CYTH3: variants seen among roughly 807,000 people sequenced by gnomAD.
CYTH3 encodes cytohesin-3.
In CYTH3, 23 loss-of-function variants were observed where a neutral mutation model predicts 55.1. That is an observed-to-expected ratio of 0.42 (90% CI 0.30 to 0.59). The LOEUF is 0.59. Among genes scored for constraint, CYTH3 ranks in the 20% least tolerant of loss-of-function variants. The pLI is 0.20. For synonymous variants in CYTH3, 249 were observed against 194.9 expected (o/e 1.28, Z -2.31); for missense variants, 413 against 524.8 (o/e 0.79, Z 2.08).
rs1402596363 is a variant in CYTH3 at position 6,169,140 on chromosome 7, T to C, written c.823+1395A>G. On this transcript the variant is annotated intron_variant, in intron 9 of 12. Transcript: ENST00000350796. The surrounding 1 kb of genome is among the most constrained non-coding windows in gnomAD (Gnocchi z 4.1). The stretch of plus-strand genomic sequence containing the variant: ...CAATGGCCAAGGTCAAAGACCCTAA[T>C]GGGAATGGCAGACCTGTGGGACTCA... Among the ~76,000 whole-genome samples the C allele has an allele frequency of 6.6e-6, 1 of 152,204 alleles. No homozygotes were observed. The highest frequency in any genetic ancestry group is 2.4e-5 in the African/African-American group (1 of 41,458).
rs1782934480 is a variant in CYTH3, at chr7:6,164,685, G to GC, written c.*258dup. The GC allele has an allele frequency of 1.9e-6, 1 of 538,988 alleles. No individual in the cohort carries two copies. Among genetic ancestry groups the GC allele is most frequent in the South Asian group, 2.3e-5 (1 of 43,694 alleles). 33.4% of individuals were successfully genotyped at this position (538,988 alleles called of 1,614,324 possible). A position where few individuals can be genotyped will look rare whatever the true frequency, so the allele number is the denominator to read the frequency against. Reference sequence around the variant, plus strand: ...ACATGCGCAGCCGACCATGACCCCAGCCACGGCAGGAGGCCTCGAGGATCA... The same window carrying GC: ...ACATGCGCAGCCGACCATGACCCCAGCCCACGGCAGGAGGCCTCGAGGATCA... On this transcript the variant is annotated 3_prime_UTR_variant, in exon 13 of 13. Transcript: ENST00000350796.
Position 6,165,244 on chromosome 7 carries a change from C to G in CYTH3, c.1127+29G>C, listed in dbSNP as rs73675861. Reference sequence around the variant, plus strand: ...CCTCCAACCGGCACGAGAAGACGGGCCTGGCCCCGCCCCCGAGGCCCCACT... The same window carrying G: ...CCTCCAACCGGCACGAGAAGACGGGGCTGGCCCCGCCCCCGAGGCCCCACT... On this transcript the variant is annotated intron_variant, in intron 12 of 12. Coordinates refer to ENST00000350796, the MANE Select transcript of CYTH3 (RefSeq NM_004227.4). 2.2e-3 allele frequency: 3,490 copies of G among 1,596,072 alleles called. 62 individuals carry two copies. In the African/African-American group the frequency reaches 0.038, roughly 17 times the overall value.
At position 6,170,813 on chromosome 7, in the gene CYTH3, C is replaced by G. The variant is rs568763724; in HGVS notation, c.711+17G>C. The G allele has an allele frequency of 5.6e-6, 9 of 1,602,666 alleles. No individual in the cohort carries two copies. Among genetic ancestry groups the G allele is most frequent in the Non-Finnish European group, 7.7e-6 (9 of 1,174,586 alleles). On this transcript the variant is annotated intron_variant, in intron 8 of 12. Coordinates refer to ENST00000350796, the MANE Select transcript of CYTH3 (RefSeq NM_004227.4). This position sits in a 1 kb window ranked among gnomAD's most constrained non-coding sequence, Gnocchi z 7.8. ...GAGATCCTGCAGACGGCAGCGGCCG[C>G]GGGCCGGGGAGCTCACCCTCAGCAG...
chr7:6,174,122 T>C (rs79607070), intron 5 of CYTH3, among the ~76,000 whole-genome samples: 4 of 147,064 alleles, frequency 2.7e-5, no homozygotes, highest in African/African-American at 1.0e-4. Flanking sequence ...TTATATCCTT[T>C]TTTTTTTTGA....
At chr7:6,259,783 T>A (rs9691821) in intron 1 of CYTH3, among the ~76,000 whole-genome samples, 16 of 18,858 alleles carry the variant, frequency 8.5e-4, no homozygotes, top group Admixed American at 5.2e-3. Flanking sequence ...TATATATATA[T>A]AATATATATA....
intron 1 of CYTH3, among the ~76,000 whole-genome samples, chr7:6,235,218 G>A (rs1429199052): frequency 6.6e-6 from 1 of 152,218 alleles, no homozygotes; most frequent in East Asian, 1.9e-4. Context: ...GCTCACGCCT[G>A]TAATCTCAGC....
intron 9 of CYTH3, among the ~76,000 whole-genome samples, chr7:6,168,778 T>TA (rs1227923021): frequency 3.3e-5 from 5 of 152,240 alleles, no homozygotes; most frequent in Non-Finnish European, 7.3e-5. Flanking sequence ...TTCACACACT[T>TA]ACGTCTCTAG....
rs181518095 is a variant in CYTH3 at position 6,183,170 on chromosome 7, G to A, written c.249+3880C>T. Among the ~76,000 whole-genome samples, 191 of 152,324 alleles carry A rather than the reference G, an allele frequency of 1.3e-3. 1 individual carries two copies. Among genetic ancestry groups the A allele is most frequent in the Non-Finnish European group, 2.1e-3 (143 of 68,016 alleles). On this transcript the variant is annotated intron_variant, in intron 4 of 12. Transcript: ENST00000350796. ...ATCACTGCTAGACACAAGGTCAGGA[G>A]AGCGTGACCAGTCTCGACGTCCCTC...
At chr7:6,264,215 C>A (rs1329357734) in intron 1 of CYTH3, among the ~76,000 whole-genome samples, 1 of 151,802 alleles carries the variant, frequency 6.6e-6, no homozygotes, top group Non-Finnish European at 1.5e-5. Flanking sequence ...CCATTGCACT[C>A]CAGCCTGGGC....
chr7:6,261,536 G>A (rs1279998117), intron 1 of CYTH3, among the ~76,000 whole-genome samples: 1 of 151,834 alleles, frequency 6.6e-6, no homozygotes, highest in Non-Finnish European at 1.5e-5. Context: ...GAAACATAGT[G>A]GGACCCTGGC....
Position 6,191,624 on chromosome 7 carries a change from C to T in CYTH3, c.35-1093G>A, listed in dbSNP as rs970351811. ...TTTTTTTTTTTTTTTGAGACAGAAT[C>T]TGACTCTGTCACCCTGGCTGGAGTG... is the stretch of plus-strand genomic sequence containing the variant. On this transcript the variant is annotated intron_variant, in intron 1 of 12. Coordinates refer to ENST00000350796, the MANE Select transcript of CYTH3 (RefSeq NM_004227.4). 4.2e-5 allele frequency among the ~76,000 whole-genome samples: 5 copies of T among 119,926 alleles called. No individual in the cohort carries two copies. In the East Asian group the frequency reaches 1.3e-3, roughly 31 times the overall value. 78.7% of individuals were successfully genotyped at this position (119,926 alleles called of 152,430 possible).
At chr7:6,172,409 C>G (rs1249024939) in intron 6 of CYTH3, among the ~76,000 whole-genome samples, 1 of 152,058 alleles carries the variant, frequency 6.6e-6, no homozygotes, top group East Asian at 1.9e-4. Flanking sequence ...CCTCTCTGCC[C>G]CACATTCACC....
chr7:6,268,741 TA>T (rs2115071691), intron 1 of CYTH3, among the ~76,000 whole-genome samples: 1 of 152,320 alleles, frequency 6.6e-6, no homozygotes, highest in South Asian at 2.1e-4. Context: ...AGCTACTGCC[TA>T]AAGCACCTGT....
At position 6,162,734 on chromosome 7, in the gene CYTH3, T is replaced by G. The variant is rs747396853; in HGVS notation, c.*2210A>C. ...CCACCTGGCGAAGCTCATTCACAGA[T>G]GACAGCAAAGGGGGAGCTTGATCAT... On this transcript the variant is annotated 3_prime_UTR_variant, in exon 13 of 13. Coordinates refer to ENST00000350796, the MANE Select transcript of CYTH3 (RefSeq NM_004227.4). 1 of 152,328 alleles carries G rather than the reference T, an allele frequency of 6.6e-6. No individual in the cohort carries two copies. Among genetic ancestry groups the G allele is most frequent in the African/African-American group, 2.4e-5 (1 of 41,470 alleles). The allele number at this position is 152,328 out of a possible 1,614,324, so 9.4% of individuals were successfully genotyped here.
intron 1 of CYTH3, among the ~76,000 whole-genome samples, chr7:6,262,963 A>C (rs71531371): frequency 0.038 from 5,532 of 146,396 alleles, 142 homozygotes; most frequent in Non-Finnish European, 0.057. Flanking sequence ...ATTTTTGACC[A>C]AAAAAAAAAA....
chr7:6,196,303 A>G (rs1783926155), intron 1 of CYTH3, among the ~76,000 whole-genome samples: 1 of 152,214 alleles, frequency 6.6e-6, no homozygotes, highest in African/African-American at 2.4e-5. Flanking sequence ...GAGAAGTAGG[A>G]AAGAATGAAA....
chr7:6,272,372 G>T, intron 1 of CYTH3, 102 bp downstream of exon 1: 4 of 1,071,054 alleles, frequency 3.7e-6, no homozygotes, highest in Non-Finnish European at 4.6e-6. Context: ...CCCCGACCCC[G>T]TCTCCTCCGG....
At chr7:6,177,997 C>T in intron 4 of CYTH3, 56 bp from the exon 5 acceptor site, 1 of 1,359,232 alleles carries the variant, frequency 7.4e-7, no homozygotes, top group Non-Finnish European at 1.1e-6. Context: ...ACTCATTTTT[C>T]AAAGACAGAA....
chr7:6,177,388 A>C (rs1458630502), intron 5 of CYTH3, among the ~76,000 whole-genome samples: 3 of 152,236 alleles, frequency 2.0e-5, no homozygotes, highest in Admixed American at 1.3e-4. Flanking sequence ...GCAGTCAGAA[A>C]GTAAATCTGA....
Sources: allele counts gnomAD v4.1 joint callset (sites outside exome capture counted in the v4.1 genomes callset), GRCh38; gene constraint gnomAD v4.1.1; non-coding constraint Gnocchi (gnomAD v3.1); transcripts MANE v1.5; gene names NCBI Gene and HGNC (gene_info 2026-07-23, HGNC 2026-07-21).